The following SLC7A9 variants were observed in gnomAD, a reference collection of about 807,000 sequenced individuals.
SLC7A9 encodes solute carrier family 7 member 9.
In SLC7A9, 38 loss-of-function variants were observed where a neutral mutation model predicts 54.1. The ratio of observed to expected loss-of-function variants is 0.70; its 90% CI spans 0.54 to 0.92. The LOEUF (loss-of-function observed/expected upper bound fraction) is 0.92, where lower values mean the gene tolerates loss of function less well. Among genes scored for constraint, SLC7A9 ranks in the 40% least tolerant of loss-of-function variants. The probability of loss-of-function intolerance (pLI) is 0.00; values close to 1 mark genes in which losing one functional copy is unlikely to be tolerated. For missense variants in SLC7A9, 537 were observed against 636.1 expected, an observed-to-expected ratio of 0.84 and a Z score of 1.68; for synonymous variants, 264 against 258.9, an observed-to-expected ratio of 1.02 and a Z score of -0.19.
chr19:32,834,123 T>C (rs1333394241), intron 11 of SLC7A9, among the ~76,000 whole-genome samples: 1 of 152,150 alleles, frequency 6.6e-6, no homozygotes, highest in Non-Finnish European at 1.5e-5. Flanking sequence ...GTTCACGTTG[T>C]TCAGAAGGTC....
At position 32,864,867 on chromosome 19, in the gene SLC7A9, G is replaced by A. The variant is rs141083753; in HGVS notation, c.88-91C>T. 989 of 1,564,744 alleles carry A rather than the reference G, an allele frequency of 6.3e-4. 5 individuals are homozygous for A. The East Asian group carries it at 0.01, about 16-fold the overall frequency. On this transcript the variant is annotated intron_variant, in intron 2 of 12. Coordinates refer to ENST00000023064, the MANE Select transcript of SLC7A9 (RefSeq NM_014270.5). ...CACCCTCCCTCGGTACGGCCAGGGCGGCCCCAGCCAAAGCCCATGTCCCAG... is the reference window on the plus strand; with the variant it reads ...CACCCTCCCTCGGTACGGCCAGGGCAGCCCCAGCCAAAGCCCATGTCCCAG...
At position 32,846,046 on chromosome 19, in the gene SLC7A9, G is replaced by A. The variant is rs1452115097; in HGVS notation, c.978-2095C>T. ...AGAATTGATGGGGGCATGGAGCCAA[G>A]ATAGCCGAATAGGAACAGCTCCGGT... On this transcript the variant is annotated intron_variant, in intron 9 of 12. Transcript: ENST00000023064. Among the ~76,000 whole-genome samples the A allele has an allele frequency of 5.3e-5, 8 of 152,332 alleles. No individual in the cohort carries two copies. The East Asian group carries it at 1.5e-3, about 29-fold the overall frequency.
intron 6 of SLC7A9, among the ~76,000 whole-genome samples, 154 bp downstream of exon 6, chr19:32,861,964 T>C (rs1568529764): frequency 6.6e-6 from 1 of 152,136 alleles, no homozygotes; most frequent in Non-Finnish European, 1.5e-5. Flanking sequence ...GGAGAGGTTG[T>C]CGCATCCTTC....
At chr19:32,841,780 G>A (rs1342109650) in intron 11 of SLC7A9, among the ~76,000 whole-genome samples, 1 of 152,062 alleles carries the variant, frequency 6.6e-6, no homozygotes, top group Non-Finnish European at 1.5e-5. Context: ...GATGGCAGAT[G>A]TCTGTAATCC....
intron 9 of SLC7A9, among the ~76,000 whole-genome samples, chr19:32,844,609 C>T (rs537819077): frequency 1.7e-4 from 26 of 152,088 alleles, no homozygotes; most frequent in African/African-American, 5.5e-4. Context: ...GCAGGTGGAT[C>T]GCCTGAAGTC....
At position 32,833,246 on chromosome 19, in the gene SLC7A9, G is replaced by T. The variant is rs2145794126; in HGVS notation, c.1302C>A (p.Thr434=). Residue 434 remains threonine (T), a synonymous_variant, in exon 12 of 13, where the codon ACC becomes ACA. Coordinates refer to ENST00000023064, the MANE Select transcript of SLC7A9 (RefSeq NM_014270.5). Reference sequence around the variant, plus strand: ...ACAGCACACAGTAGAGGTACTCCCAGGTGGGCTTGCTGATGATTGGAGCCA... The same window carrying T: ...ACAGCACACAGTAGAGGTACTCCCATGTGGGCTTGCTGATGATTGGAGCCA... ...LVLAPIISKP[T]WEYLYCVLFI... 6.2e-7 allele frequency: 1 copy of T among 1,614,162 alleles called. No homozygotes were observed. The highest frequency in any genetic ancestry group is 8.5e-7 in the Non-Finnish European group (1 of 1,179,994).
At chr19:32,833,468 T>C (rs1380270571) in intron 11 of SLC7A9, 145 bp from the exon 12 acceptor site, 2 of 885,126 alleles carry the variant, frequency 2.3e-6, no homozygotes, top group Non-Finnish European at 3.6e-6. Flanking sequence ...CCAATCTTAT[T>C]TCATCTATAC....
intron 9 of SLC7A9, among the ~76,000 whole-genome samples, chr19:32,858,169 C>A (rs1050319883): frequency 1.3e-5 from 2 of 152,192 alleles, no homozygotes; most frequent in African/African-American, 4.8e-5. Context: ...AGCTTCCCCC[C>A]CATGTTGGGA....
At position 32,864,099 on chromosome 19, in the gene SLC7A9, T is replaced by C. The variant is rs747396262; in HGVS notation, c.475A>G (p.Ile159Val). The change falls in exon 4 of 13, where the codon ATC becomes GTC. Residue 159 changes from isoleucine (I) to valine (V), a missense_variant. Physicochemically the swap from Ile to Val is conservative, Grantham distance 29 (BLOSUM62 3). Transcript: ENST00000023064. ...IVVKCLAAAA[I>V]LFISTVNSLS... ...TGCCCTGGGCTCAGGTACTCACAGA[T>C]GGCGGCGGCGGCCAGGCATTTCACA... The C allele has an allele frequency of 1.9e-6, 3 of 1,614,080 alleles. No individual in the cohort carries two copies. The highest frequency in any genetic ancestry group is 2.2e-5 in the South Asian group (2 of 91,072).
At chr19:32,848,229 GAC>G (rs1210688999) in intron 9 of SLC7A9, among the ~76,000 whole-genome samples, 3 of 152,202 alleles carry the variant, frequency 2.0e-5, no homozygotes, top group Non-Finnish European at 4.4e-5. Flanking sequence ...GCAATTAAAA[GAC>G]ACAGACTGGC....
intron 4 of SLC7A9, 145 bp from the exon 5 acceptor site, chr19:32,862,731 T>A (rs1180429022): frequency 1.5e-6 from 1 of 670,944 alleles, no homozygotes; most frequent in Non-Finnish European, 2.2e-6. Flanking sequence ...AGTGGCATGA[T>A]CTCAGCTCAC....
intron 2 of SLC7A9, among the ~76,000 whole-genome samples, chr19:32,867,065 T>C (rs1225860910): frequency 6.6e-6 from 1 of 152,180 alleles, no homozygotes; most frequent in East Asian, 1.9e-4. Flanking sequence ...CAGCCCCAGC[T>C]GCTCACTGCA....
At position 32,864,157 on chromosome 19, in the gene SLC7A9, G is replaced by A; in HGVS notation, c.417C>T (p.Pro139=). 6.2e-7 allele frequency: 1 copy of A among 1,614,218 alleles called. No individual in the cohort carries two copies. Among genetic ancestry groups the A allele is most frequent in the Admixed American group, 1.7e-5 (1 of 60,034 alleles). ...CLSFSEYVCA[P]FYVGCKPPQI... The stretch of plus-strand genomic sequence containing the variant: ...GAGGAGGCTTGCAGCCCACATAGAA[G>A]GGCGCACACACATACTCGGAGAAGC... The change falls in exon 4 of 13, where the codon CCC becomes CCT. Residue 139 remains proline, a synonymous_variant. Transcript: ENST00000023064.
At chr19:32,860,217 G>A (rs1448070933) in intron 7 of SLC7A9, 3 of 1,437,694 alleles carry the variant, frequency 2.1e-6, no homozygotes, top group African/African-American at 2.9e-5. Flanking sequence ...CCACTGCTCT[G>A]TCCCAAACCA....
At chr19:32,831,344 T>C (rs932172836) in intron 12 of SLC7A9, 1 of 152,622 alleles carries the variant, frequency 6.6e-6, no homozygotes, top group Non-Finnish European at 1.5e-5. Context: ...TGGAGTGCAG[T>C]GGGGGGATCT....
chr19:32,838,444 T>A (rs538295514), intron 11 of SLC7A9, among the ~76,000 whole-genome samples: 1 of 148,916 alleles, frequency 6.7e-6, no homozygotes, highest in African/African-American at 2.4e-5. Flanking sequence ...GTATAATATA[T>A]GTGTATATTA....
chr19:32,840,678 C>T (rs1005782766), intron 11 of SLC7A9, among the ~76,000 whole-genome samples: 19 of 152,016 alleles, frequency 1.2e-4, no homozygotes, highest in Middle Eastern at 3.2e-3. Context: ...TTGCTGTTGT[C>T]GTCAGTGATC....
Position 32,865,112 on chromosome 19 carries a change from C to G in SLC7A9, c.88-336G>C, listed in dbSNP as rs558548545. The stretch of plus-strand genomic sequence containing the variant: ...CTGGCTCAGGTTCCACGTGCCTAAC[C>G]GTGATCCTGTGCCCTCAATGAAAAG... On this transcript the variant is annotated intron_variant, in intron 2 of 12. Coordinates refer to ENST00000023064, the MANE Select transcript of SLC7A9 (RefSeq NM_014270.5). 9.9e-5 allele frequency among the ~76,000 whole-genome samples: 15 copies of G among 152,246 alleles called. 1 individual carries two copies. In the South Asian group the frequency reaches 3.1e-3, roughly 32 times the overall value.
At chr19:32,842,910 G>C (rs907911377) in intron 10 of SLC7A9, among the ~76,000 whole-genome samples, 1 of 152,152 alleles carries the variant, frequency 6.6e-6, no homozygotes, top group Non-Finnish European at 1.5e-5. Flanking sequence ...TTTCCACACA[G>C]AGAGTTTTCA....
Sources: gnomAD v4.1 joint callset for allele counts (sites outside exome capture counted in the v4.1 genomes callset) on GRCh38, gnomAD v4.1.1 for gene constraint, MANE v1.5 for transcripts, NCBI Gene and HGNC (gene_info 2026-07-23, HGNC 2026-07-21) for gene names.